Variants in GJB7 observed in about 807,000 individuals in gnomAD.
The protein encoded by GJB7 is gap junction beta-7 protein.
For missense variants in GJB7, 253 were observed against 256.8 expected (o/e 0.99, Z 0.10); for synonymous variants, 87 against 95.2 (o/e 0.91, Z 0.50).
intron 2 of GJB7, among the ~76,000 whole-genome samples, chr6:87,311,013 ATCTT>A (rs1404903684): frequency 6.6e-6 from 1 of 152,228 alleles, no homozygotes; most frequent in Non-Finnish European, 1.5e-5. Flanking sequence ...TTGTAAGTCT[ATCTT>A]TATTTCCAAA....
At chr6:87,305,630 C>A (rs1776413229) in intron 2 of GJB7, among the ~76,000 whole-genome samples, 2 of 152,112 alleles carry the variant, frequency 1.3e-5, no homozygotes. Context: ...CAATGCCATC[C>A]CCATCAAGCT....
intron 2 of GJB7, among the ~76,000 whole-genome samples, chr6:87,309,682 G>T (rs1179053802): frequency 6.6e-6 from 1 of 152,118 alleles, no homozygotes; most frequent in East Asian, 1.9e-4. Context: ...GAAGAAAAAA[G>T]AAAATATTTA....
chr6:87,303,994 C>A (rs1369219003), intron 2 of GJB7, among the ~76,000 whole-genome samples: 1 of 152,248 alleles, frequency 6.6e-6, no homozygotes, highest in East Asian at 1.9e-4. Flanking sequence ...AAAGACACAA[C>A]ATACCAGAAT....
chr6:87,315,885 T>C (rs1582567748), intron 2 of GJB7, among the ~76,000 whole-genome samples: 1 of 151,584 alleles, frequency 6.6e-6, no homozygotes, highest in East Asian at 1.9e-4. Context: ...GGATGTCCCA[T>C]ATCTCACTGC....
chr6:87,322,412 A>ACACT, intron 2 of GJB7: 1 of 152,096 alleles, frequency 6.6e-6, no homozygotes, highest in East Asian at 1.9e-4. Context: ...TCCCTTGCAC[A>ACACT]CTTCAGCCCG....
At chr6:87,321,226 CAAA>C (rs56855977) in intron 2 of GJB7, among the ~76,000 whole-genome samples, 99 of 101,338 alleles carry the variant, frequency 9.8e-4, no homozygotes, top group African/African-American at 3.2e-3. Flanking sequence ...CACTCCATCT[CAAA>C]AAAAAAAAAA....
At chr6:87,293,110 C>T (rs558738441) in intron 2 of GJB7, among the ~76,000 whole-genome samples, 1 of 152,356 alleles carries the variant, frequency 6.6e-6, no homozygotes, top group South Asian at 2.1e-4. Context: ...TGGCTCACTG[C>T]AACCTCCCCT....
At chr6:87,324,538 A>G (rs912743267) in intron 1 of GJB7, among the ~76,000 whole-genome samples, 3 of 150,762 alleles carry the variant, frequency 2.0e-5, no homozygotes, top group Non-Finnish European at 4.4e-5. Context: ...TCCTTTCCCC[A>G]TTGCTTGTTT....
chr6:87,295,655 T>A (rs536054422), intron 2 of GJB7, among the ~76,000 whole-genome samples: 48 of 152,282 alleles, frequency 3.2e-4, no homozygotes, highest in African/African-American at 1.1e-3. Context: ...AGTCTTGATC[T>A]CTTGATTTTA....
chr6:87,295,267 T>C (rs1314177024), intron 2 of GJB7, among the ~76,000 whole-genome samples: 1 of 152,186 alleles, frequency 6.6e-6, no homozygotes, highest in African/African-American at 2.4e-5. Context: ...AAACATAAGA[T>C]ACCTACATGA....
intron 2 of GJB7, among the ~76,000 whole-genome samples, chr6:87,298,278 A>C (rs1776273764): frequency 6.6e-6 from 1 of 152,214 alleles, no homozygotes; most frequent in African/African-American, 2.4e-5. Context: ...ACTGAAGCCA[A>C]CCCAACATTC....
At chr6:87,317,558 T>C (rs1776601038) in intron 2 of GJB7, among the ~76,000 whole-genome samples, 1 of 151,956 alleles carries the variant, frequency 6.6e-6, no homozygotes, top group Non-Finnish European at 1.5e-5. Flanking sequence ...GCCTCCCAAG[T>C]AGCTGGGATT....
chr6:87,283,986 A>C lies in GJB7; in HGVS notation c.*255T>G. On this transcript the variant is annotated 3_prime_UTR_variant, in exon 3 of 3. Transcript: ENST00000525899. Reference sequence around the variant, plus strand: ...ACAAAACAATGAGACCTCTGTCTAGAGCTCATAACTGAAAGCATATTGACA... The same window carrying C: ...ACAAAACAATGAGACCTCTGTCTAGCGCTCATAACTGAAAGCATATTGACA... The C allele has an allele frequency of 2.3e-6, 1 of 433,656 alleles. No individual in the cohort carries two copies. The highest frequency in any genetic ancestry group is 4.2e-6 in the Non-Finnish European group (1 of 239,456). 26.9% of individuals were successfully genotyped at this position (433,656 alleles called of 1,614,324 possible). A position where few individuals can be genotyped will look rare whatever the true frequency, so the allele number is the denominator to read the frequency against.
At chr6:87,299,934 G>C (rs1776296102) in intron 2 of GJB7, 2 of 304,570 alleles carry the variant, frequency 6.6e-6, no homozygotes, top group Non-Finnish European at 1.3e-5. Context: ...CTGAATGTAT[G>C]TCTGGCAAAA....
intron 2 of GJB7, among the ~76,000 whole-genome samples, chr6:87,315,795 CAA>C (rs1161194601): frequency 3.6e-3 from 261 of 72,362 alleles, no homozygotes; most frequent in African/African-American, 9.7e-3. Flanking sequence ...GACTCTATCT[CAA>C]AAAAAAAAAA....
chr6:87,297,837 T>C (rs1390006085), intron 2 of GJB7, among the ~76,000 whole-genome samples: 1 of 152,226 alleles, frequency 6.6e-6, no homozygotes, highest in African/African-American at 2.4e-5. Flanking sequence ...ATGAGGAGAC[T>C]GGGTTTGAGG....
chr6:87,328,091 G>A (rs1776879711), intron 1 of GJB7, among the ~76,000 whole-genome samples: 1 of 152,104 alleles, frequency 6.6e-6, no homozygotes, highest in Admixed American at 6.5e-5. Flanking sequence ...CTTGAGCCTT[G>A]GTTTTCAGCT....
chr6:87,312,757 G>A (rs1776529860), intron 2 of GJB7, among the ~76,000 whole-genome samples: 1 of 152,128 alleles, frequency 6.6e-6, no homozygotes, highest in African/African-American at 2.4e-5. Context: ...ATGGGGAAAT[G>A]GCAGAACACT....
At chr6:87,327,864 C>A (rs1311423567) in intron 1 of GJB7, among the ~76,000 whole-genome samples, 1 of 149,662 alleles carries the variant, frequency 6.7e-6, no homozygotes, top group Non-Finnish European at 1.5e-5. Flanking sequence ...CAACTTGGTT[C>A]CATTCTCCCC....
Sources: allele counts gnomAD v4.1 joint callset (sites outside exome capture counted in the v4.1 genomes callset), GRCh38; gene constraint gnomAD v4.1.1; transcripts MANE v1.5; gene names NCBI Gene and HGNC (gene_info 2026-07-23, HGNC 2026-07-21).